Variants in GOSR2 observed in about 807,000 individuals in gnomAD.
GOSR2 encodes golgi SNAP receptor complex member 2.
A neutral mutation model predicts 27.9 loss-of-function variants in GOSR2; 20 were observed. That is an observed-to-expected ratio of 0.72 (90% CI 0.50 to 1.04). GOSR2 has a LOEUF of 1.04. GOSR2 is among the 50% of genes least tolerant of loss of function. The pLI is 0.00. For synonymous variants in GOSR2, 91 were observed against 98.8 expected (o/e 0.92, Z 0.47); for missense variants, 261 against 270.5 (o/e 0.97, Z 0.25).
Position 46,955,012 on chromosome 17 carries a change from C to T in GOSR2, c.584-11522C>T, listed in dbSNP as rs542205610. Among the ~76,000 whole-genome samples, 132 of 152,278 alleles carry T rather than the reference C, an allele frequency of 8.7e-4. 1 individual carries two copies. The Middle Eastern group carries it at 0.027, about 31-fold the overall frequency. ...TTTCCTAATTGAATACCCTTTATTT[C>T]CTTCTGCCTGATTGCCCTGGCCAGA... is the stretch of plus-strand genomic sequence containing the variant. On this transcript the variant is annotated intron_variant, in intron 6 of 6. Coordinates refer to the GOSR2 transcript ENST00000573224.
downstream of GOSR2, among the ~76,000 whole-genome samples, chr17:46,945,689 C>T (rs866309963): frequency 1.3e-5 from 2 of 152,182 alleles, no homozygotes; most frequent in African/African-American, 4.8e-5. Flanking sequence ...CTTGGCCCTG[C>T]TCACCTCCTG....
chr17:46,955,895 G>A (rs1286195227), intron 6 of GOSR2, among the ~76,000 whole-genome samples: 1 of 152,124 alleles, frequency 6.6e-6, no homozygotes, highest in East Asian at 1.9e-4. Flanking sequence ...TCTAGAGCAA[G>A]AGCTGTGTCT....
chr17:46,951,742 C>G (rs926995502), intron 6 of GOSR2, among the ~76,000 whole-genome samples: 2 of 152,194 alleles, frequency 1.3e-5, no homozygotes, highest in Non-Finnish European at 2.9e-5. Context: ...AAGGAAACCT[C>G]TAATTTTCTG....
chr17:46,941,605 G>A lies in GOSR2; in HGVS notation c.*2845G>A, dbSNP rs540994552. ...TATTTTTTATTTTTGAGACAGTCTCGCTCTGTCACCCAGGCTGGAGTGCAG... is the reference window on the plus strand; with the variant it reads ...TATTTTTTATTTTTGAGACAGTCTCACTCTGTCACCCAGGCTGGAGTGCAG... On this transcript the variant is annotated 3_prime_UTR_variant, in exon 6 of 6. Transcript: ENST00000640051. The A allele has an allele frequency of 9.1e-4, 189 of 208,774 alleles. No individual in the cohort carries two copies. Among genetic ancestry groups the A allele is most frequent in the African/African-American group, 4.2e-3 (177 of 42,476 alleles). 12.9% of individuals were successfully genotyped at this position (208,774 alleles called of 1,614,324 possible).
At chr17:46,950,547 C>A (rs1481390797) in intron 6 of GOSR2, among the ~76,000 whole-genome samples, 2 of 152,228 alleles carry the variant, frequency 1.3e-5, no homozygotes, top group Non-Finnish European at 2.9e-5. Flanking sequence ...TTGGACCAGG[C>A]AGCTTATTAG....
intron 6 of GOSR2, among the ~76,000 whole-genome samples, chr17:46,954,732 C>T (rs767524478): frequency 6.6e-6 from 1 of 152,200 alleles, no homozygotes; most frequent in Admixed American, 6.5e-5. Flanking sequence ...TCCTTGAAGA[C>T]ATCCTTCACA....
chr17:46,974,867 CCTT>C (rs1043565600), intron 6 of GOSR2, among the ~76,000 whole-genome samples: 79 of 152,304 alleles, frequency 5.2e-4, no homozygotes, highest in African/African-American at 1.6e-3. Flanking sequence ...AGCTACAAAA[CCTT>C]CTTCGAGGGA....
chr17:46,957,437 A>G (rs371412679), intron 6 of GOSR2, among the ~76,000 whole-genome samples: 19 of 152,014 alleles, frequency 1.2e-4, no homozygotes, highest in African/African-American at 4.4e-4. Context: ...ACATGGTGAA[A>G]CCCCATCTCT....
At chr17:46,949,044 A>G (rs2090136661) in intron 6 of GOSR2, 1 of 152,216 alleles carries the variant, frequency 6.6e-6, no homozygotes, top group Non-Finnish European at 1.5e-5. Flanking sequence ...ACAAATCACC[A>G]CAAAACATAG....
downstream of GOSR2, among the ~76,000 whole-genome samples, chr17:46,944,202 G>C (rs1410469215): frequency 6.6e-6 from 1 of 152,248 alleles, no homozygotes; most frequent in Non-Finnish European, 1.5e-5. Context: ...TCCAGTGCCA[G>C]TGTTAGCTGT....
intron 6 of GOSR2, among the ~76,000 whole-genome samples, chr17:46,963,134 C>T (rs2091159076): frequency 6.6e-6 from 1 of 152,240 alleles, no homozygotes. Flanking sequence ...AAACACAAGA[C>T]ATTTCACAAT....
intron 4 of GOSR2, among the ~76,000 whole-genome samples, chr17:46,934,448 G>A (rs911216248): frequency 6.6e-6 from 1 of 152,106 alleles, no homozygotes; most frequent in African/African-American, 2.4e-5. Context: ...TTTGAGTCCA[G>A]GAGGCTAAGG....
intron 6 of GOSR2, among the ~76,000 whole-genome samples, chr17:46,962,365 A>G (rs3851783): frequency 0.96 from 144,887 of 151,660 alleles, 69,555 homozygotes; most frequent in East Asian, 1. Flanking sequence ...GTAGTAGTTG[A>G]TTTTCAAAGA....
intron 6 of GOSR2, among the ~76,000 whole-genome samples, chr17:46,961,920 C>G (rs528535637): frequency 1.2e-4 from 19 of 152,250 alleles, no homozygotes; most frequent in African/African-American, 4.3e-4. Context: ...AGGGGCTGAC[C>G]AATGATTCCA....
chr17:46,934,281 T>C (rs1045360991), intron 4 of GOSR2, among the ~76,000 whole-genome samples: 1 of 152,178 alleles, frequency 6.6e-6, no homozygotes, highest in South Asian at 2.1e-4. Context: ...TGTGGACAGA[T>C]TCCTTGAGCA....
rs754797654 is a variant in GOSR2 at position 46,935,188 on chromosome 17, G to C, written c.477+19G>C. ...CTTGAAGGTGGGGTCCCTGCTGGGG[G>C]ACAGAGAGAAGGCCTCTTGTTTTAG... On this transcript the variant is annotated intron_variant, in intron 5 of 5. Transcript: ENST00000640051. 1 of 1,613,722 alleles carries C rather than the reference G, an allele frequency of 6.2e-7. No homozygotes were observed. Among genetic ancestry groups the C allele is most frequent in the South Asian group, 1.1e-5 (1 of 91,068 alleles).
intron 6 of GOSR2, among the ~76,000 whole-genome samples, chr17:46,953,510 G>A (rs371793149): frequency 4.6e-5 from 7 of 152,072 alleles, no homozygotes; most frequent in South Asian, 2.1e-4. Flanking sequence ...ATAAACATAC[G>A]TGTGCATGTG....
At chr17:46,965,547 C>T (rs1212937838) in intron 6 of GOSR2, among the ~76,000 whole-genome samples, 1 of 152,212 alleles carries the variant, frequency 6.6e-6, no homozygotes, top group Non-Finnish European at 1.5e-5. Context: ...CCTAATCTGC[C>T]ATCCAATTTC....
chr17:46,929,829 A>C, intron 2 of GOSR2: 1 of 500,650 alleles, frequency 2.0e-6, no homozygotes, highest in Non-Finnish European at 3.6e-6. Flanking sequence ...ATGGGAATGG[A>C]AGCGCTTGCC....
Sources: gnomAD v4.1 joint callset for allele counts (sites outside exome capture counted in the v4.1 genomes callset) on GRCh38, gnomAD v4.1.1 for gene constraint, MANE v1.5 for transcripts, NCBI Gene and HGNC (gene_info 2026-07-23, HGNC 2026-07-21) for gene names.